PTPN3: variants seen among roughly 807,000 people sequenced by gnomAD.
The protein encoded by PTPN3 is protein tyrosine phosphatase non-receptor type 3.
A neutral mutation model predicts 132.7 loss-of-function variants in PTPN3; 96 were observed. The observed-to-expected ratio is 0.72, with a 90% CI of 0.61 to 0.86. The LOEUF is 0.86. PTPN3 is among the 40% of genes least tolerant of loss of function. The probability of loss-of-function intolerance (pLI) is 0.00; values close to 1 mark genes in which losing one functional copy is unlikely to be tolerated. For missense variants in PTPN3, 1,125 were observed against 1,159.6 expected (o/e 0.97, Z 0.43); for synonymous variants, 398 against 429.0 (o/e 0.93, Z 0.89).
chr9:109,463,224 G>T, intron 2 of PTPN3, 73 bp downstream of exon 2: 1 of 1,356,726 alleles, frequency 7.4e-7, no homozygotes, highest in Non-Finnish European at 9.9e-7. Flanking sequence ...TTCATTTTGT[G>T]AGCCAAGAGA....
At chr9:109,448,024 T>A (rs1188814873) in intron 6 of PTPN3, among the ~76,000 whole-genome samples, 2 of 152,134 alleles carry the variant, frequency 1.3e-5, no homozygotes, top group Non-Finnish European at 2.9e-5. Context: ...ATCCTAGCAA[T>A]CTATAAAGAC....
In PTPN3 at chr9:109,426,975, T is replaced by C; in HGVS notation, c.976A>G (p.Thr326Ala). 6.2e-7 allele frequency: 1 copy of C among 1,613,754 alleles called. No homozygotes were observed. The highest frequency in any genetic ancestry group is 8.5e-7 in the Non-Finnish European group (1 of 1,179,644). Residue 326 changes from threonine to alanine, a missense_variant, in exon 12 of 26, where the codon ACT becomes GCT. By Grantham distance (58) the Thr-to-Ala change is moderately conservative. Transcript: ENST00000374541. ...TTTTTGGTGTTCCGAGAGCCCATAG[T>C]CCAGTACTGAGACAGAACATTCTTT... ...QEKNVLSQYW[T>A]MGSRNTKKSV...
chr9:109,410,294 C>T lies in PTPN3; in HGVS notation c.1435G>A (p.Asp479Asn). The T allele has an allele frequency of 6.2e-7, 1 of 1,614,192 alleles. No individual in the cohort carries two copies. The highest frequency in any genetic ancestry group is 8.5e-7 in the Non-Finnish European group (1 of 1,180,044). Residue 479 changes from aspartate (D) to asparagine (N), a missense_variant, in exon 15 of 26, where the codon GAT becomes AAT. Transcript: ENST00000374541. ...SPDGVDQQLL[D>N]DFHRVTKGGS... ...CCTTTGGTCACCCTGTGGAAGTCAT[C>T]TAAGAGCTGCTGATCAACGCCGTCA... is the stretch of plus-strand genomic sequence containing the variant.
intron 1 of PTPN3, among the ~76,000 whole-genome samples, chr9:109,483,671 A>C (rs1299362282): frequency 6.6e-6 from 1 of 152,090 alleles, no homozygotes; most frequent in Non-Finnish European, 1.5e-5. Context: ...ACGTCTCCCA[A>C]AGCTCTCACC....
chr9:109,466,674 G>T (rs1012867198), intron 1 of PTPN3, among the ~76,000 whole-genome samples: 3 of 152,200 alleles, frequency 2.0e-5, no homozygotes, highest in African/African-American at 7.2e-5. Flanking sequence ...CCAAGCTGCT[G>T]CTGCCAGGGT....
chr9:109,419,478 G>A (rs1842746742), intron 14 of PTPN3, among the ~76,000 whole-genome samples: 1 of 152,164 alleles, frequency 6.6e-6, no homozygotes, highest in South Asian at 2.1e-4. Context: ...GATACCCAAT[G>A]ACTATGGTTG....
At chr9:109,418,469 G>A (rs902109512) in intron 14 of PTPN3, among the ~76,000 whole-genome samples, 9 of 152,242 alleles carry the variant, frequency 5.9e-5, no homozygotes, top group African/African-American at 1.2e-4. Flanking sequence ...GGTGAGTGGT[G>A]TGGAGCGCCC....
chr9:109,457,480 G>T, intron 2 of PTPN3, 81 bp from the exon 3 acceptor site: 1 of 1,122,338 alleles, frequency 8.9e-7, no homozygotes, highest in Non-Finnish European at 1.3e-6. Context: ...GCAAAAAAGA[G>T]TTAAAATATT....
chr9:109,440,841 G>A lies in PTPN3; in HGVS notation c.467-2607C>T, dbSNP rs529929969. Among the ~76,000 whole-genome samples the A allele has an allele frequency of 9.9e-4, 150 of 152,262 alleles. 2 individuals carry two copies. In the Middle Eastern group the frequency reaches 0.014, roughly 14 times the overall value. On this transcript the variant is annotated intron_variant, in intron 7 of 25. Coordinates refer to ENST00000374541, the MANE Select transcript of PTPN3 (RefSeq NM_002829.4). Reference sequence around the variant, plus strand: ...GAACACAACCAATGAGCCTCCCTGTGGGGTGGTTTTCCCTTTAAATCCTAA... The same window carrying A: ...GAACACAACCAATGAGCCTCCCTGTAGGGTGGTTTTCCCTTTAAATCCTAA...
intron 14 of PTPN3, among the ~76,000 whole-genome samples, chr9:109,413,697 A>G (rs1358903106): frequency 6.6e-6 from 1 of 152,134 alleles, no homozygotes; most frequent in Non-Finnish European, 1.5e-5. Flanking sequence ...GACACCATGG[A>G]AGAGCCAGTG....
At position 109,389,255 on chromosome 9, in the gene PTPN3, G is replaced by T. The variant is rs750440450; in HGVS notation, c.2231C>A (p.Thr744Lys). The T allele has an allele frequency of 1.9e-6, 3 of 1,614,066 alleles. No individual in the cohort carries two copies. Among genetic ancestry groups the T allele is most frequent in the African/African-American group, 1.3e-5 (1 of 75,018 alleles). ...DQKLSLIVML[T>K]TLTERGRTKC... Reference sequence around the variant, plus strand: ...TACCCGCCCTCGTTCTGTGAGAGTCGTCAACATGACAATGAGTGACAACTT... The same window carrying T: ...TACCCGCCCTCGTTCTGTGAGAGTCTTCAACATGACAATGAGTGACAACTT... The change falls in exon 22 of 26, where the codon ACG (threonine) becomes AAG (lysine). Residue 744 changes from threonine (T) to lysine (K), a missense_variant. Transcript: ENST00000374541.
chr9:109,422,919 T>C, intron 12 of PTPN3, 67 bp from the exon 13 acceptor site: 1 of 1,550,450 alleles, frequency 6.4e-7, no homozygotes, highest in South Asian at 1.1e-5. Flanking sequence ...ACTGCATGTG[T>C]GAAACAGTCT....
At chr9:109,482,825 G>A (rs1385955762) in intron 1 of PTPN3, among the ~76,000 whole-genome samples, 1 of 152,140 alleles carries the variant, frequency 6.6e-6, no homozygotes, top group Admixed American at 6.5e-5. Flanking sequence ...CTTTGGACAA[G>A]TTACTGAACC....
intron 1 of PTPN3, among the ~76,000 whole-genome samples, chr9:109,483,088 G>C (rs941738427): frequency 1.3e-5 from 2 of 152,212 alleles, no homozygotes; most frequent in Non-Finnish European, 2.9e-5. Flanking sequence ...AAGAAAAGTA[G>C]GTTTGCTCTT....
chr9:109,520,227 A>G, the PTPN3 span, among the ~76,000 whole-genome samples: 2 of 152,006 alleles, frequency 1.3e-5, no homozygotes, highest in African/African-American at 4.8e-5. Flanking sequence ...AGATTTATCT[A>G]GAGCCCATGC....
upstream of PTPN3, among the ~76,000 whole-genome samples, chr9:109,498,536 A>T (rs1847795238): frequency 6.6e-6 from 1 of 152,108 alleles, no homozygotes; most frequent in Non-Finnish European, 1.5e-5. The surrounding 1 kb of genome is among the most constrained non-coding windows in gnomAD (Gnocchi z 4.2). Flanking sequence ...TTCCACAGCC[A>T]TGACTGGGCA....
At chr9:109,478,247 A>G (rs1275733256) in intron 1 of PTPN3, among the ~76,000 whole-genome samples, 2 of 152,244 alleles carry the variant, frequency 1.3e-5, no homozygotes, top group Non-Finnish European at 2.9e-5. Context: ...AAAACAAGCC[A>G]ACCAACAATT....
the PTPN3 span, among the ~76,000 whole-genome samples, chr9:109,515,347 C>G: frequency 1.3e-5 from 2 of 152,184 alleles, no homozygotes; most frequent in Admixed American, 6.5e-5. Flanking sequence ...ATTCCATCCT[C>G]CATGAGATCT....
At chr9:109,454,987 CCAT>C (rs1200256396) in intron 4 of PTPN3, among the ~76,000 whole-genome samples, 1 of 152,190 alleles carries the variant, frequency 6.6e-6, no homozygotes, top group Non-Finnish European at 1.5e-5. Context: ...TTCAACACCA[CCAT>C]GACTATGAGT....
Sources: allele counts gnomAD v4.1 joint callset (sites outside exome capture counted in the v4.1 genomes callset), GRCh38; gene constraint gnomAD v4.1.1; non-coding constraint Gnocchi (gnomAD v3.1); transcripts MANE v1.5; gene names NCBI Gene and HGNC (gene_info 2026-07-23, HGNC 2026-07-21).